Variants in TMEM150B observed in about 807,000 individuals in gnomAD.
TMEM150B encodes transmembrane protein 150B.
In TMEM150B, 33 loss-of-function variants were observed where a neutral mutation model predicts 25.2. The observed-to-expected ratio is 1.31, with a 90% CI of 0.99 to 1.75. TMEM150B has a LOEUF of 1.75. Among genes scored for constraint, TMEM150B ranks in the 40% most tolerant of loss-of-function variants. The probability of loss-of-function intolerance (pLI) is 0.00; values close to 1 mark genes in which losing one functional copy is unlikely to be tolerated. For synonymous variants in TMEM150B, 133 were observed against 134.8 expected (o/e 0.99, Z 0.09); for missense variants, 322 against 306.1 (o/e 1.05, Z -0.39).
intron 7 of TMEM150B, among the ~76,000 whole-genome samples, chr19:55,314,091 G>A (rs529235191): frequency 2.0e-5 from 3 of 152,192 alleles, no homozygotes; most frequent in South Asian, 4.1e-4. Context: ...GCGTGATCTC[G>A]GCTCACTGCA....
chr19:55,317,052 A>G (rs1240572134), intron 6 of TMEM150B, 86 bp from the exon 7 acceptor site: 1 of 1,288,790 alleles, frequency 7.8e-7, no homozygotes, highest in African/African-American at 1.5e-5. Flanking sequence ...TCACCAATGC[A>G]GTAGACAGTG....
downstream of TMEM150B, chr19:55,312,094 A>AC (rs1013130034): frequency 2.1e-5 from 21 of 984,028 alleles, no homozygotes; most frequent in African/African-American, 3.5e-5. Flanking sequence ...GAGGGAGGGG[A>AC]CCCCCCTCCA....
downstream of TMEM150B, among the ~76,000 whole-genome samples, chr19:55,310,492 G>A (rs2088760066): frequency 6.6e-6 from 1 of 152,180 alleles, no homozygotes; most frequent in South Asian, 2.1e-4. The surrounding 1 kb of genome is among the most constrained non-coding windows in gnomAD (Gnocchi z 5.0). Context: ...ATAGTCACAA[G>A]TTCTCGGTAT....
rs192539793 is a variant in TMEM150B at position 55,319,032 on chromosome 19, C to T, written c.324+1007G>A. On this transcript the variant is annotated intron_variant, in intron 6 of 7. Transcript: ENST00000326652. The stretch of plus-strand genomic sequence containing the variant: ...ATGTTGTCCAGGCTGGTCTTGAACT[C>T]CTGGGCTCAAGCCTCAGCCTCCAAA... Among the ~76,000 whole-genome samples, 376 of 152,236 alleles carry T rather than the reference C, an allele frequency of 2.5e-3. 2 individuals carry two copies. The highest frequency in any genetic ancestry group is 0.01 in the Middle Eastern group (3 of 292).
chr19:55,311,046 C>T (rs772030830), downstream of TMEM150B, among the ~76,000 whole-genome samples: 3 of 152,140 alleles, frequency 2.0e-5, no homozygotes, highest in Non-Finnish European at 4.4e-5. Context: ...CTGCAACTTC[C>T]ACCTCCCGGG....
chr19:55,319,843 C>T, intron 6 of TMEM150B, 196 bp downstream of exon 6: 2 of 1,417,480 alleles, frequency 1.4e-6, no homozygotes, highest in East Asian at 5.2e-5. Flanking sequence ...TACAAACAGC[C>T]TCGCTCGTAG....
chr19:55,310,902 A>T (rs922562815), downstream of TMEM150B, among the ~76,000 whole-genome samples: 1 of 151,924 alleles, frequency 6.6e-6, no homozygotes, highest in African/African-American at 2.4e-5. This position sits in a 1 kb window ranked among gnomAD's most constrained non-coding sequence, Gnocchi z 5.0. Flanking sequence ...CATAAAGGAG[A>T]ATGGGGTGGG....
chr19:55,314,669 G>A (rs1269196884), intron 7 of TMEM150B, among the ~76,000 whole-genome samples: 3 of 138,344 alleles, frequency 2.2e-5, no homozygotes, highest in African/African-American at 8.2e-5. Context: ...TGATCATCAG[G>A]GCTAGTTTAG....
chr19:55,318,405 G>A (rs1053731346), intron 6 of TMEM150B, among the ~76,000 whole-genome samples: 1 of 151,540 alleles, frequency 6.6e-6, no homozygotes, highest in Non-Finnish European at 1.5e-5. Flanking sequence ...GCTGAGGTGG[G>A]TGGCTCATTT....
At chr19:55,318,222 G>T (rs1173565755) in intron 6 of TMEM150B, among the ~76,000 whole-genome samples, 1 of 150,680 alleles carries the variant, frequency 6.6e-6, no homozygotes, top group Non-Finnish European at 1.5e-5. Context: ...GTAGCCGGGC[G>T]TGGTGGTGAG....
At chr19:55,323,747 C>G (rs1476192610) in intron 1 of TMEM150B, among the ~76,000 whole-genome samples, 1 of 151,316 alleles carries the variant, frequency 6.6e-6, no homozygotes, top group Non-Finnish European at 1.5e-5. Context: ...AGGTGATCCA[C>G]CCGCCTCAGG....
At chr19:55,321,807 T>A (rs2089214549) in intron 2 of TMEM150B, among the ~76,000 whole-genome samples, 1 of 152,130 alleles carries the variant, frequency 6.6e-6, no homozygotes, top group Non-Finnish European at 1.5e-5. Context: ...CCTACTCGGG[T>A]ACCCAAGAGT....
At chr19:55,323,122 A>G (rs938020608) in intron 1 of TMEM150B, among the ~76,000 whole-genome samples, 2 of 152,194 alleles carry the variant, frequency 1.3e-5, no homozygotes, top group Non-Finnish European at 2.9e-5. Flanking sequence ...AATCCACATA[A>G]CATTAGCCAT....
At chr19:55,315,665 G>A (rs943332390) in intron 7 of TMEM150B, among the ~76,000 whole-genome samples, 5 of 152,026 alleles carry the variant, frequency 3.3e-5, no homozygotes, top group African/African-American at 1.2e-4. Context: ...GGAGGCTGAG[G>A]CAGGAGAATG....
At chr19:55,323,468 A>G (rs899658774) in intron 1 of TMEM150B, among the ~76,000 whole-genome samples, 1 of 151,850 alleles carries the variant, frequency 6.6e-6, no homozygotes, top group Non-Finnish European at 1.5e-5. Context: ...ACTCAGCGAC[A>G]TTAGTGCACT....
chr19:55,313,792 C>G (rs529489848), intron 7 of TMEM150B, among the ~76,000 whole-genome samples: 7 of 127,360 alleles, frequency 5.5e-5, no homozygotes, highest in African/African-American at 2.2e-4. Flanking sequence ...TCTGCTCTGC[C>G]AGCCCCTGCA....
chr19:55,316,798 G>T lies in TMEM150B; in HGVS notation c.493C>A (p.Leu165Ile). 1.3e-6 allele frequency: 2 copies of T among 1,539,214 alleles called. No homozygotes were observed. Among genetic ancestry groups the T allele is most frequent in the Non-Finnish European group, 1.7e-6 (2 of 1,150,650 alleles). Residue 165 changes from leucine to isoleucine, a missense_variant, in exon 7 of 8, where the codon CTC becomes ATC. Coordinates refer to ENST00000326652, the MANE Select transcript of TMEM150B (RefSeq NM_001282011.2). ...RLGLCSVCTI[L>I]IVAMIVLHAC... ...ACAAGAAGGATACTGGCCACAATGA[G>T]GATGGTGCAGACGCTGCAGAGGCCC...
intron 1 of TMEM150B, among the ~76,000 whole-genome samples, chr19:55,323,120 T>G (rs984932498): frequency 1.3e-5 from 2 of 152,188 alleles, no homozygotes; most frequent in African/African-American, 2.4e-5. Flanking sequence ...AAAATCCACA[T>G]AACATTAGCC....
chr19:55,320,439 G>C lies in TMEM150B; in HGVS notation c.148C>G (p.Pro50Ala), dbSNP rs369382915. 123 of 1,589,056 alleles carry C rather than the reference G, an allele frequency of 7.7e-5. No homozygotes were observed. Among genetic ancestry groups the C allele is most frequent in the East Asian group, 2.5e-4 (11 of 44,604 alleles). ...ACCTGGCTGAAGATGCAGCTCTGAG[G>C]GGGGAAGGATCCGCAGATGCTGGGG... ...PYISICGSFP[P>A]QSCIFSQVLN... Residue 50 changes from proline (P) to alanine (A), a missense_variant, in exon 5 of 8, where the codon CCT becomes GCT. Transcript: ENST00000326652.
Sources: gnomAD v4.1 joint callset for allele counts (sites outside exome capture counted in the v4.1 genomes callset) on GRCh38, gnomAD v4.1.1 for gene constraint, Gnocchi (gnomAD v3.1) non-coding constraint, MANE v1.5 for transcripts, NCBI Gene and HGNC (gene_info 2026-07-23, HGNC 2026-07-21) for gene names.